ALPK2: variants seen among roughly 807,000 people sequenced by gnomAD.
ALPK2 encodes the protein alpha kinase 2.
Under a neutral mutation model 163.1 loss-of-function variants are expected in ALPK2, and 127 were observed. That is an observed-to-expected ratio of 0.78 (90% CI 0.67 to 0.90). ALPK2 has a LOEUF of 0.90. ALPK2 is among the 40% of genes least tolerant of loss of function. The pLI, the probability that ALPK2 is intolerant of heterozygous loss-of-function variation, is 0.00. For synonymous variants in ALPK2, 953 were observed against 959.1 expected, an observed-to-expected ratio of 0.99 and a Z score of 0.12; for missense variants, 2,360 against 2,589.6, an observed-to-expected ratio of 0.91 and a Z score of 1.92.
At position 58,603,680 on chromosome 18, in the gene ALPK2, T is replaced by C. The variant is rs1485384879; in HGVS notation, c.227+3642A>G. On this transcript the variant is annotated intron_variant, in intron 3 of 12. Coordinates refer to ENST00000361673, the MANE Select transcript of ALPK2 (RefSeq NM_052947.4). ...GATTTTTATCTGTTGCTTTGCTGCC[T>C]TTCTTTACATTATGTTCATAAGAGA... is the stretch of plus-strand genomic sequence containing the variant. 2.0e-5 allele frequency among the ~76,000 whole-genome samples: 3 copies of C among 152,336 alleles called. No individual in the cohort carries two copies. In the East Asian group the frequency reaches 5.8e-4, roughly 29 times the overall value.
intron 1 of ALPK2, among the ~76,000 whole-genome samples, chr18:58,626,140 G>A (rs1009505164): frequency 6.6e-6 from 1 of 152,136 alleles, no homozygotes; most frequent in Admixed American, 6.5e-5. Context: ...AATGTATCGA[G>A]GTACTCCAAT....
chr18:58,484,183 A>G (rs2051326798), intron 12 of ALPK2, among the ~76,000 whole-genome samples: 1 of 152,146 alleles, frequency 6.6e-6, no homozygotes, highest in Non-Finnish European at 1.5e-5. Flanking sequence ...ATGCGTTTTC[A>G]TTTGTCTATT....
At chr18:58,504,756 G>A (rs1037054880) in intron 10 of ALPK2, among the ~76,000 whole-genome samples, 14 of 152,180 alleles carry the variant, frequency 9.2e-5, no homozygotes, top group South Asian at 2.1e-4. Context: ...AAGAGGAGAC[G>A]GGCATGCGGT....
intron 3 of ALPK2, among the ~76,000 whole-genome samples, chr18:58,602,792 G>T (rs1458326833): frequency 6.6e-6 from 1 of 152,154 alleles, no homozygotes; most frequent in Non-Finnish European, 1.5e-5. Flanking sequence ...CGAAGACCCT[G>T]CTGATAGATC....
chr18:58,489,158 T>A (rs2051357721), intron 12 of ALPK2, among the ~76,000 whole-genome samples: 1 of 152,042 alleles, frequency 6.6e-6, no homozygotes. Flanking sequence ...AAAGATGGTT[T>A]GGGGTTTATC....
intron 4 of ALPK2, among the ~76,000 whole-genome samples, chr18:58,567,288 A>G (rs2051860432): frequency 1.3e-5 from 2 of 151,680 alleles, no homozygotes; most frequent in Admixed American, 1.3e-4. Context: ...GAAGGCTGAG[A>G]CAAGAGAATC....
At chr18:58,611,916 A>G (rs2052134217) in intron 1 of ALPK2, 99 bp from the exon 2 acceptor site, 1 of 710,620 alleles carries the variant, frequency 1.4e-6, no homozygotes, top group African/African-American at 1.8e-5. Context: ...CTGGCAGCTC[A>G]CTGCACGCTG....
chr18:58,559,355 G>A (rs1356603561), intron 4 of ALPK2, among the ~76,000 whole-genome samples: 3 of 152,158 alleles, frequency 2.0e-5, no homozygotes, highest in Non-Finnish European at 4.4e-5. Flanking sequence ...TAGTGTGGAG[G>A]TTGAGAAACC....
intron 3 of ALPK2, among the ~76,000 whole-genome samples, chr18:58,606,569 A>G (rs1309223183): frequency 1.3e-5 from 2 of 152,226 alleles, no homozygotes; most frequent in African/African-American, 4.8e-5. Flanking sequence ...AGAAAATGGT[A>G]GAGCTGGAAC....
intron 4 of ALPK2, among the ~76,000 whole-genome samples, chr18:58,546,237 C>G (rs2051716948): frequency 6.6e-6 from 1 of 152,234 alleles, no homozygotes; most frequent in Admixed American, 6.5e-5. Flanking sequence ...ATTCCATTCC[C>G]TCCTAAGGGA....
intron 12 of ALPK2, among the ~76,000 whole-genome samples, chr18:58,482,630 CAGG>C (rs749024853): frequency 1.7e-3 from 264 of 152,280 alleles, no homozygotes; most frequent in Non-Finnish European, 1.7e-3. Flanking sequence ...GCTTTGTCCC[CAGG>C]AGAAGAAGAA....
intron 3 of ALPK2, among the ~76,000 whole-genome samples, chr18:58,591,186 A>C (rs1323237356): frequency 6.6e-6 from 1 of 152,152 alleles, no homozygotes; most frequent in Non-Finnish European, 1.5e-5. Flanking sequence ...TGGCTCAATC[A>C]TCTGTGCAAC....
chr18:58,578,887 C>T lies in ALPK2; in HGVS notation c.1889G>A (p.Cys630Tyr), dbSNP rs1489270952. Residue 630 changes from cysteine to tyrosine, a missense_variant, in exon 4 of 13, where the codon TGC becomes TAC. Transcript: ENST00000361673. ...ATTAACTTGCATGCCTTCTCCCTTG[C>T]AATTTGTGTTGCCTTCTTTGGAGAC... ...DSVSKEGNTN[C>Y]KGEGMQVNTL... 6.2e-7 allele frequency: 1 copy of T among 1,614,050 alleles called. No homozygotes were observed.
intron 4 of ALPK2, among the ~76,000 whole-genome samples, chr18:58,570,173 T>A (rs2051878906): frequency 1.3e-5 from 2 of 151,814 alleles, no homozygotes; most frequent in African/African-American, 4.8e-5. Flanking sequence ...GCCCTTCCCA[T>A]CATCGGCTAA....
chr18:58,492,935 G>T (rs936200179), intron 12 of ALPK2, among the ~76,000 whole-genome samples: 1 of 152,198 alleles, frequency 6.6e-6, no homozygotes, highest in African/African-American at 2.4e-5. Flanking sequence ...AGTAGGGTCT[G>T]CCTTGCCAAA....
At chr18:58,510,679 C>G (rs372743307) in intron 10 of ALPK2, among the ~76,000 whole-genome samples, 1 of 152,056 alleles carries the variant, frequency 6.6e-6, no homozygotes, top group Non-Finnish European at 1.5e-5. Context: ...TGATTTGGCT[C>G]TCTGTTTTTC....
rs74183283 is a variant in ALPK2, at chr18:58,610,275, C to CAAA, written c.109+1411_109+1413dup. On this transcript the variant is annotated intron_variant, in intron 2 of 12. Coordinates refer to ENST00000361673, the MANE Select transcript of ALPK2 (RefSeq NM_052947.4). ...GGCAACAGAGCAAGAGACCCTGTCT[C>CAAA]AAAAAAAAAAAAAAAAAAAAAAAGA... Among the ~76,000 whole-genome samples, 439 of 61,618 alleles carry CAAA rather than the reference C, an allele frequency of 7.1e-3. 7 individuals carry two copies. The highest frequency in any genetic ancestry group is 0.017 in the Middle Eastern group (2 of 120). 40.4% of individuals were successfully genotyped at this position (61,618 alleles called of 152,430 possible).
rs74923592 is a variant in ALPK2 at position 58,543,462 on chromosome 18, G to A, written c.1963-5238C>T. ...AGGCTTTAAGAGCTGGGGGCCATGC[G>A]GGGCTCTGGGTTCCAAAGAGAGAGG... On this transcript the variant is annotated intron_variant, in intron 4 of 12. Transcript: ENST00000361673. 6.1e-3 allele frequency: 5,664 copies of A among 930,932 alleles called. 18 individuals carry two copies. The highest frequency in any genetic ancestry group is 6.8e-3 in the Non-Finnish European group (5,305 of 780,368). 57.7% of individuals were successfully genotyped at this position (930,932 alleles called of 1,614,324 possible).
chr18:58,530,498 A>T (rs766886591), intron 5 of ALPK2, among the ~76,000 whole-genome samples: 2 of 152,074 alleles, frequency 1.3e-5, no homozygotes, highest in Non-Finnish European at 2.9e-5. Flanking sequence ...GACCAAGCCC[A>T]CCTCCTCATC....
Sources: gnomAD v4.1 joint callset for allele counts (sites outside exome capture counted in the v4.1 genomes callset) on GRCh38, gnomAD v4.1.1 for gene constraint, MANE v1.5 for transcripts, NCBI Gene and HGNC (gene_info 2026-07-23, HGNC 2026-07-21) for gene names.